Variants in NUP155 observed in about 807,000 individuals in gnomAD.
The protein encoded by NUP155 is nucleoporin 155.
In NUP155, 71 loss-of-function variants were observed where a neutral mutation model predicts 180.4. That is an observed-to-expected ratio of 0.39 (90% CI 0.33 to 0.48). The LOEUF (loss-of-function observed/expected upper bound fraction) is 0.48. Among genes scored for constraint, NUP155 ranks in the 20% least tolerant of loss-of-function variants. The probability of loss-of-function intolerance (pLI) is 0.91; values close to 1 mark genes in which losing one functional copy is unlikely to be tolerated. For missense variants in NUP155, 1,553 were observed against 1,648.9 expected (o/e 0.94, Z 1.01); for synonymous variants, 582 against 559.5 (o/e 1.04, Z -0.57).
chr5:37,364,957 T>C (rs72736785), intron 1 of NUP155, among the ~76,000 whole-genome samples: 4,558 of 151,734 alleles, frequency 0.03, 99 homozygotes, highest in Middle Eastern at 0.11. Context: ...AATTTGATAA[T>C]TTAGTGTTAT....
At chr5:37,304,675 G>A in intron 27 of NUP155, 64 bp downstream of exon 27, 4 of 1,147,538 alleles carry the variant, frequency 3.5e-6, no homozygotes, top group Non-Finnish European at 5.3e-6. Context: ...CTATATATGT[G>A]CTTAAATCAT....
chr5:37,370,356 G>C (rs925268611), intron 1 of NUP155, among the ~76,000 whole-genome samples: 2 of 152,182 alleles, frequency 1.3e-5, no homozygotes, highest in Non-Finnish European at 2.9e-5. Context: ...TGGGCGAAGA[G>C]GGAACCGCTC....
chr5:37,353,534 A>G (rs74687699), intron 4 of NUP155, among the ~76,000 whole-genome samples: 1 of 151,988 alleles, frequency 6.6e-6, no homozygotes, highest in Non-Finnish European at 1.5e-5. Flanking sequence ...GTGAGCCGAG[A>G]TCACGCCATT....
At chr5:37,304,313 T>C (rs1289079598) in intron 27 of NUP155, among the ~76,000 whole-genome samples, 3 of 151,590 alleles carry the variant, frequency 2.0e-5, no homozygotes, top group African/African-American at 7.3e-5. Context: ...TAAATAAACT[T>C]TGATAACACA....
intron 20 of NUP155, among the ~76,000 whole-genome samples, chr5:37,320,789 A>G (rs986452732): frequency 3.9e-5 from 6 of 152,272 alleles, no homozygotes; most frequent in African/African-American, 1.4e-4. Flanking sequence ...ACATCTGACA[A>G]GTAAAATTCC....
chr5:37,349,331 T>C (rs1363145158), intron 7 of NUP155, 86 bp from the exon 8 acceptor site: 2 of 451,748 alleles, frequency 4.4e-6, no homozygotes, highest in African/African-American at 4.1e-5. Context: ...CAACAAACTG[T>C]TGAATCAGAA....
At chr5:37,362,901 A>G (rs1383471734) in intron 3 of NUP155, among the ~76,000 whole-genome samples, 2 of 152,098 alleles carry the variant, frequency 1.3e-5, no homozygotes, top group African/African-American at 2.4e-5. Context: ...TTTTGTTTCA[A>G]TAATACAGTG....
rs869240751 is a variant in NUP155, at chr5:37,365,713, GAAAA to G, written c.158-1333_158-1330del. 4.4e-3 allele frequency among the ~76,000 whole-genome samples: 99 copies of G among 22,676 alleles called. 18 individuals carry two copies. The highest frequency in any genetic ancestry group is 6.8e-3 in the Admixed American group (7 of 1,034). The allele number at this position is 22,676 out of a possible 152,430, so 14.9% of individuals were successfully genotyped here. On this transcript the variant is annotated intron_variant, in intron 1 of 34. Coordinates refer to ENST00000231498, the MANE Select transcript of NUP155 (RefSeq NM_153485.3). ...ACAGAGCAAGACTCTGTCTCGGGGA[GAAAA>G]AAAAAAAAAAAAAAAAAAAAAATAT... is the stretch of plus-strand genomic sequence containing the variant.
At chr5:37,324,167 T>A in intron 19 of NUP155, 60 bp from the exon 20 acceptor site, 1 of 963,328 alleles carries the variant, frequency 1.0e-6, no homozygotes, top group South Asian at 1.3e-5. Context: ...AGCTATAATA[T>A]AAACAATTTT....
Position 37,331,676 on chromosome 5 carries a change from T to A in NUP155, c.1629+9A>T, listed in dbSNP as rs1420146542. ...TAGCATCACATTTTTTAAAAGTATATATAATTACCTGATGTAATTTAAAGA... is the reference window on the plus strand; with the variant it reads ...TAGCATCACATTTTTTAAAAGTATAAATAATTACCTGATGTAATTTAAAGA... On this transcript the variant is annotated intron_variant, in intron 14 of 34. Coordinates refer to ENST00000231498, the MANE Select transcript of NUP155 (RefSeq NM_153485.3). The A allele has an allele frequency of 6.7e-7, 1 of 1,487,194 alleles. No homozygotes were observed. The highest frequency in any genetic ancestry group is 1.4e-5 in the African/African-American group (1 of 72,572). The allele number at this position is 1,487,194 out of a possible 1,614,324, so 92.1% of individuals were successfully genotyped here.
intron 32 of NUP155, among the ~76,000 whole-genome samples, chr5:37,296,175 G>A (rs1361055709): frequency 6.6e-6 from 1 of 152,232 alleles, no homozygotes; most frequent in African/African-American, 2.4e-5. Flanking sequence ...TCTGGGAGGT[G>A]TGCCCAACAG....
At position 37,358,073 on chromosome 5, in the gene NUP155, T is replaced by C. The variant is rs774624392; in HGVS notation, c.463+8A>G. On this transcript the variant is annotated splice_region_variant and intron_variant, in intron 4 of 34. Coordinates refer to ENST00000231498, the MANE Select transcript of NUP155 (RefSeq NM_153485.3). ...ACATAATCTCTTCCTTATAGTTTTATTTCTTACCTGCTTTTGGCTTCACAA... is the reference window on the plus strand; with the variant it reads ...ACATAATCTCTTCCTTATAGTTTTACTTCTTACCTGCTTTTGGCTTCACAA... 1.9e-6 allele frequency: 3 copies of C among 1,596,186 alleles called. No individual in the cohort carries two copies. Among genetic ancestry groups the C allele is most frequent in the African/African-American group, 1.3e-5 (1 of 74,622 alleles).
intron 1 of NUP155, 197 bp downstream of exon 1, chr5:37,370,624 T>C: frequency 6.7e-7 from 1 of 1,491,778 alleles, no homozygotes; most frequent in East Asian, 2.4e-5. Flanking sequence ...ACTCTTGCCC[T>C]CTCAAGTATC....
intron 6 of NUP155, among the ~76,000 whole-genome samples, chr5:37,350,800 A>G (rs895234145): frequency 7.9e-4 from 118 of 149,166 alleles, no homozygotes; most frequent in Non-Finnish European, 2.8e-4. Context: ...TGGGTGATAC[A>G]GTGAGACTCC....
chr5:37,356,737 G>A (rs1039024126), intron 4 of NUP155, among the ~76,000 whole-genome samples: 2 of 152,090 alleles, frequency 1.3e-5, no homozygotes, highest in African/African-American at 2.4e-5. Context: ...GGCATTATGA[G>A]GGTGAAACAA....
intron 9 of NUP155, among the ~76,000 whole-genome samples, chr5:37,346,195 G>A (rs982720958): frequency 3.3e-5 from 5 of 151,404 alleles, no homozygotes; most frequent in East Asian, 3.9e-4. Context: ...TGAGGATCAC[G>A]TCAGCCCAGG....
At chr5:37,369,640 C>T (rs1747834369) in intron 1 of NUP155, among the ~76,000 whole-genome samples, 1 of 151,816 alleles carries the variant, frequency 6.6e-6, no homozygotes, top group Non-Finnish European at 1.5e-5. Flanking sequence ...ATAAGACACG[C>T]TCATTGGTAA....
chr5:37,325,350 C>G (rs1290382620), intron 19 of NUP155, among the ~76,000 whole-genome samples: 2 of 152,100 alleles, frequency 1.3e-5, no homozygotes, highest in Non-Finnish European at 2.9e-5. Flanking sequence ...CTTCTTTTAC[C>G]ATGAGGTATC....
Position 37,310,755 on chromosome 5 carries a change from A to G in NUP155, c.2437-12T>C. ...TGCTCTTGAAGTTCCTAGGAGCATA[A>G]AACTTTTCTATCACAATTATAGAAA... On this transcript the variant is annotated splice_polypyrimidine_tract_variant and intron_variant, in intron 22 of 34. Transcript: ENST00000231498. The G allele has an allele frequency of 6.2e-7, 1 of 1,602,042 alleles. No individual in the cohort carries two copies. The highest frequency in any genetic ancestry group is 2.2e-5 in the East Asian group (1 of 44,746).
Sources: gnomAD v4.1 joint callset for allele counts (sites outside exome capture counted in the v4.1 genomes callset) on GRCh38, gnomAD v4.1.1 for gene constraint, MANE v1.5 for transcripts, NCBI Gene and HGNC (gene_info 2026-07-23, HGNC 2026-07-21) for gene names.